Variants in LIMD1 observed in about 807,000 individuals in gnomAD.
LIMD1 encodes LIM domain-containing protein 1.
A neutral mutation model predicts 58.4 loss-of-function variants in LIMD1; 23 were observed. The observed-to-expected ratio is 0.39, with a 90% CI of 0.28 to 0.56. LIMD1 has a LOEUF of 0.56. Ranked by LOEUF, LIMD1 falls within the 20% of genes least tolerant of loss-of-function variation. The pLI is 0.57. For synonymous variants in LIMD1, 334 were observed against 345.5 expected, an observed-to-expected ratio of 0.97 and a Z score of 0.37; for missense variants, 838 against 855.5, an observed-to-expected ratio of 0.98 and a Z score of 0.25.
At chr3:45,649,062 CT>C (rs1335945223) in intron 2 of LIMD1, among the ~76,000 whole-genome samples, 1 of 152,146 alleles carries the variant, frequency 6.6e-6, no homozygotes, top group African/African-American at 2.4e-5. Flanking sequence ...AATTTATCTA[CT>C]TTTTTTCTTT....
intron 7 of LIMD1, among the ~76,000 whole-genome samples, chr3:45,675,534 A>G (rs559345047): frequency 6.6e-6 from 1 of 151,326 alleles, no homozygotes; most frequent in South Asian, 2.1e-4. Flanking sequence ...GTCTCAAAAA[A>G]AGAAAGAACT....
At chr3:45,614,427 A>T (rs1287293058) in intron 1 of LIMD1, among the ~76,000 whole-genome samples, 1 of 149,204 alleles carries the variant, frequency 6.7e-6, no homozygotes, top group East Asian at 1.9e-4. Flanking sequence ...AAAAAAAAAA[A>T]GGAAATCCTC....
intron 1 of LIMD1, among the ~76,000 whole-genome samples, chr3:45,602,357 C>T (rs1701423727): frequency 6.6e-6 from 1 of 152,172 alleles, no homozygotes; most frequent in Admixed American, 6.5e-5. Flanking sequence ...GAGAGAGCCA[C>T]ATTCTGCTCG....
At chr3:45,601,310 A>G (rs1418271380) in intron 1 of LIMD1, among the ~76,000 whole-genome samples, 3 of 152,184 alleles carry the variant, frequency 2.0e-5, no homozygotes, top group South Asian at 4.1e-4. Flanking sequence ...TTGGCCTGAC[A>G]TGGCCTGGCC....
intron 2 of LIMD1, among the ~76,000 whole-genome samples, chr3:45,660,882 TAGAGAG>T (rs1422731009): frequency 2.6e-4 from 40 of 152,332 alleles, no homozygotes; most frequent in Non-Finnish European, 2.9e-5. Flanking sequence ...AGTCCCTTTA[TAGAGAG>T]AAAGTTTAAG....
At chr3:45,665,439 G>T (rs1697503083) in intron 2 of LIMD1, among the ~76,000 whole-genome samples, 1 of 152,116 alleles carries the variant, frequency 6.6e-6, no homozygotes, top group African/African-American at 2.4e-5. Context: ...TTGCCAAATA[G>T]CACCTGCCAG....
At chr3:45,624,591 C>T (rs535022902) in intron 1 of LIMD1, among the ~76,000 whole-genome samples, 5 of 152,052 alleles carry the variant, frequency 3.3e-5, no homozygotes, top group Admixed American at 6.5e-5. Flanking sequence ...GGTGTGGTGG[C>T]GGGCGCCTGT....
chr3:45,608,594 C>G (rs1024531371), intron 1 of LIMD1, among the ~76,000 whole-genome samples: 2 of 152,134 alleles, frequency 1.3e-5, no homozygotes, highest in East Asian at 3.8e-4. Context: ...AATCCCAACA[C>G]TTTTGGAGGC....
intron 1 of LIMD1, among the ~76,000 whole-genome samples, chr3:45,622,331 G>C (rs1341785856): frequency 6.6e-6 from 1 of 152,142 alleles, no homozygotes; most frequent in Non-Finnish European, 1.5e-5. Flanking sequence ...CTGCCCTCAT[G>C]CGTGAGGGAT....
chr3:45,627,251 A>G (rs539529131), intron 1 of LIMD1, among the ~76,000 whole-genome samples: 1 of 152,178 alleles, frequency 6.6e-6, no homozygotes, highest in South Asian at 2.1e-4. Context: ...TGAAGATACT[A>G]AGTTTTAGGG....
intron 1 of LIMD1, among the ~76,000 whole-genome samples, chr3:45,600,230 C>T (rs1253173239): frequency 2.0e-5 from 3 of 152,190 alleles, no homozygotes; most frequent in Non-Finnish European, 4.4e-5. Context: ...GGTGATGTCA[C>T]TCAGGCCAAA....
chr3:45,596,543 A>G (rs888352310), intron 1 of LIMD1, among the ~76,000 whole-genome samples: 22 of 152,166 alleles, frequency 1.4e-4, no homozygotes, highest in African/African-American at 4.8e-4. Context: ...GGGATTGCTC[A>G]TGACTGCTCT....
intron 1 of LIMD1, among the ~76,000 whole-genome samples, chr3:45,617,231 G>T (rs1278927212): frequency 6.6e-6 from 1 of 151,174 alleles, no homozygotes; most frequent in African/African-American, 2.4e-5. Flanking sequence ...ATTTTTAGTA[G>T]AGATGGGGTT....
At chr3:45,599,592 A>G (rs1298368342) in intron 1 of LIMD1, among the ~76,000 whole-genome samples, 1 of 152,200 alleles carries the variant, frequency 6.6e-6, no homozygotes, top group African/African-American at 2.4e-5. Context: ...GCGTCTTGGC[A>G]GTGGCTCTAC....
At chr3:45,670,079 C>T (rs185717146) in intron 4 of LIMD1, among the ~76,000 whole-genome samples, 11 of 152,282 alleles carry the variant, frequency 7.2e-5, no homozygotes, top group African/African-American at 2.6e-4. Flanking sequence ...GGAAACGTGG[C>T]CCTTCCCCCA....
chr3:45,627,531 G>A (rs901784242), intron 1 of LIMD1, among the ~76,000 whole-genome samples: 3 of 152,044 alleles, frequency 2.0e-5, no homozygotes, highest in South Asian at 2.1e-4. Context: ...TGGCTCACAC[G>A]TGTAATCCCA....
intron 1 of LIMD1, chr3:45,635,818 A>G (rs1293712107): frequency 9.2e-6 from 8 of 867,078 alleles, no homozygotes; most frequent in Non-Finnish European, 9.7e-6. Context: ...TGATGGTGCA[A>G]TCTTTCTGAA....
At chr3:45,627,402 A>G (rs1404519563) in intron 1 of LIMD1, among the ~76,000 whole-genome samples, 1 of 152,240 alleles carries the variant, frequency 6.6e-6, no homozygotes, top group Non-Finnish European at 1.5e-5. Flanking sequence ...CAGTTTCTTC[A>G]TGTATAAAGT....
intron 1 of LIMD1, among the ~76,000 whole-genome samples, chr3:45,599,686 T>C (rs1701392546): frequency 6.6e-6 from 1 of 152,220 alleles, no homozygotes; most frequent in South Asian, 2.1e-4. Context: ...CCCTCACTGA[T>C]GGGCCTTTGG....
Sources: allele counts gnomAD v4.1 joint callset (sites outside exome capture counted in the v4.1 genomes callset), GRCh38; gene constraint gnomAD v4.1.1; transcripts MANE v1.5; gene names NCBI Gene and HGNC (gene_info 2026-07-23, HGNC 2026-07-21).